The following TASP1 variants were observed in gnomAD, a reference collection of about 807,000 sequenced individuals.
TASP1 encodes threonine aspartase 1.
A neutral mutation model predicts 56.6 loss-of-function variants in TASP1; 16 were observed. That is an observed-to-expected ratio of 0.28 (90% CI 0.19 to 0.43). The LOEUF is 0.43. TASP1 is among the 20% of genes least tolerant of loss of function. TASP1 has a pLI of 1.00. For synonymous variants in TASP1, 179 were observed against 184.2 expected (o/e 0.97, Z 0.23); for missense variants, 393 against 511.6 (o/e 0.77, Z 2.24).
chr20:13,221,156 G>C, the TASP1 span, among the ~76,000 whole-genome samples: 2 of 151,896 alleles, frequency 1.3e-5, no homozygotes, highest in South Asian at 4.1e-4. Flanking sequence ...TGAGTGGCTC[G>C]GGGCGGCGAG....
At chr20:13,517,203 A>G (rs2044573590) in intron 10 of TASP1, among the ~76,000 whole-genome samples, 1 of 152,114 alleles carries the variant, frequency 6.6e-6, no homozygotes, top group South Asian at 2.1e-4. Flanking sequence ...CTATATTACC[A>G]AGGCCCCAGG....
At chr20:13,423,906 T>C (rs2042534030) in intron 12 of TASP1, among the ~76,000 whole-genome samples, 2 of 152,348 alleles carry the variant, frequency 1.3e-5, no homozygotes, top group Admixed American at 6.5e-5. Context: ...TTAGAATGTA[T>C]TATCATGATG....
intron 13 of TASP1, among the ~76,000 whole-genome samples, chr20:13,408,516 A>T: frequency 6.6e-6 from 1 of 152,138 alleles, no homozygotes; most frequent in African/African-American, 2.4e-5. Context: ...GTCTCATAAA[A>T]TGGGTTGGAA....
chr20:13,367,887 G>C, the TASP1 span, among the ~76,000 whole-genome samples: 13 of 152,096 alleles, frequency 8.5e-5, no homozygotes, highest in Non-Finnish European at 1.8e-4. Flanking sequence ...ACAAGGCTGG[G>C]CCAGGATATG....
the TASP1 span, among the ~76,000 whole-genome samples, chr20:13,242,981 G>T: frequency 1.3e-5 from 2 of 152,110 alleles, no homozygotes. Context: ...AGGCATTATT[G>T]TTATCCTCAT....
chr20:13,270,599 C>T, the TASP1 span: 6 of 1,613,980 alleles, frequency 3.7e-6, no homozygotes, highest in Non-Finnish European at 5.1e-6. Flanking sequence ...AGGCTGCACA[C>T]CAACCCTTCC....
intron 10 of TASP1, among the ~76,000 whole-genome samples, chr20:13,524,648 G>A (rs565070494): frequency 2.0e-5 from 3 of 152,088 alleles, no homozygotes; most frequent in Non-Finnish European, 4.4e-5. Context: ...CTGAGAATAA[G>A]AAAAGCTTTT....
chr20:13,630,979 CTTTTAT>C (rs986711268), intron 1 of TASP1, among the ~76,000 whole-genome samples: 2 of 151,992 alleles, frequency 1.3e-5, no homozygotes, highest in South Asian at 2.1e-4. Flanking sequence ...AAAATTTGAG[CTTTTAT>C]TTTTAAGTTT....
At chr20:13,268,165 T>C in the TASP1 span, among the ~76,000 whole-genome samples, 1,770 of 118,782 alleles carry the variant, frequency 0.015, 37 homozygotes, top group African/African-American at 0.044. Context: ...CCTTCCCTTC[T>C]CTCCTCTCCT....
chr20:13,275,762 T>C, the TASP1 span, among the ~76,000 whole-genome samples: 8 of 152,280 alleles, frequency 5.3e-5, no homozygotes, highest in Admixed American at 2.0e-4. Context: ...TAGATGCTCG[T>C]TGGTGATGAT....
chr20:13,594,871 G>A (rs1018530262), intron 4 of TASP1, among the ~76,000 whole-genome samples: 2 of 152,100 alleles, frequency 1.3e-5, no homozygotes, highest in Non-Finnish European at 2.9e-5. Flanking sequence ...AGGAAATACA[G>A]AGAACACCAC....
At chr20:13,312,481 T>G in the TASP1 span, among the ~76,000 whole-genome samples, 1 of 152,196 alleles carries the variant, frequency 6.6e-6, no homozygotes. Flanking sequence ...TTCCTCTCCC[T>G]CATGCACAGT....
chr20:13,187,383 C>G, the TASP1 span, among the ~76,000 whole-genome samples: 1 of 151,676 alleles, frequency 6.6e-6, no homozygotes, highest in South Asian at 2.1e-4. Context: ...TCAGAGAACA[C>G]TATAAAGATA....
the TASP1 span, among the ~76,000 whole-genome samples, chr20:13,269,404 C>T: frequency 1.3e-5 from 2 of 152,194 alleles, no homozygotes; most frequent in Non-Finnish European, 2.9e-5. Flanking sequence ...AAACAGTGGG[C>T]TTGCACTTTT....
chr20:13,561,604 T>A (rs930400768), intron 7 of TASP1, among the ~76,000 whole-genome samples: 14 of 152,064 alleles, frequency 9.2e-5, no homozygotes, highest in Admixed American at 4.6e-4. Context: ...TGAGCTCAGG[T>A]GATTCGCCCG....
intron 9 of TASP1, among the ~76,000 whole-genome samples, chr20:13,532,674 C>G (rs567190062): frequency 6.6e-6 from 1 of 152,242 alleles, no homozygotes; most frequent in South Asian, 2.1e-4. Flanking sequence ...GACGTAATAT[C>G]CTGCTAACAT....
the TASP1 span, among the ~76,000 whole-genome samples, chr20:13,230,355 C>T: frequency 6.6e-6 from 1 of 152,112 alleles, no homozygotes; most frequent in Admixed American, 6.6e-5. Flanking sequence ...AGAAACTTCT[C>T]CTGTAGAACT....
At chr20:13,614,963 A>T (rs921265605) in intron 4 of TASP1, 3 of 366,100 alleles carry the variant, frequency 8.2e-6, no homozygotes, top group African/African-American at 2.1e-5. Flanking sequence ...CTAAATAATT[A>T]TACCTTTTAA....
At chr20:13,614,128 T>C (rs971997617) in intron 4 of TASP1, among the ~76,000 whole-genome samples, 4 of 152,162 alleles carry the variant, frequency 2.6e-5, no homozygotes, top group African/African-American at 9.6e-5. Context: ...TGGAATTATA[T>C]CTAGCCAAAT....
Sources: gnomAD v4.1 joint callset for allele counts (sites outside exome capture counted in the v4.1 genomes callset) on GRCh38, gnomAD v4.1.1 for gene constraint, MANE v1.5 for transcripts, NCBI Gene and HGNC (gene_info 2026-07-23, HGNC 2026-07-21) for gene names.